U2SURP: variants seen among roughly 807,000 people sequenced by gnomAD.
The protein encoded by U2SURP is U2 snRNP associated SURP domain containing.
Under a neutral mutation model 144.9 loss-of-function variants are expected in U2SURP, and 9 were observed. The ratio of observed to expected loss-of-function variants is 0.06; its 90% CI spans 0.04 to 0.11. The LOEUF (loss-of-function observed/expected upper bound fraction) is 0.11. Ranked by LOEUF, U2SURP falls within the 10% of genes least tolerant of loss-of-function variation. U2SURP has a pLI of 1.00. For missense variants in U2SURP, 724 were observed against 1,226.7 expected (o/e 0.59, Z 6.12); for synonymous variants, 408 against 396.8 (o/e 1.03, Z -0.33).
intron 25 of U2SURP, among the ~76,000 whole-genome samples, chr3:143,052,645 G>A (rs1430331792): frequency 6.6e-6 from 1 of 152,220 alleles, no homozygotes; most frequent in Non-Finnish European, 1.5e-5. Context: ...TGGCAGAGTT[G>A]AGTAGTTGTG....
At chr3:143,005,970 A>C (rs1935808933) in intron 1 of U2SURP, among the ~76,000 whole-genome samples, 1 of 152,234 alleles carries the variant, frequency 6.6e-6, no homozygotes. Flanking sequence ...ATTTTATTGC[A>C]CATCAGCTGT....
At position 143,059,829 on chromosome 3, in the gene U2SURP, CTG is replaced by C. The variant is rs972236798; in HGVS notation, c.*3381_*3382del. The C allele has an allele frequency of 6.6e-6, 1 of 152,252 alleles. No individual in the cohort carries two copies. Among genetic ancestry groups the C allele is most frequent in the Admixed American group, 6.6e-5 (1 of 15,246 alleles). 9.4% of individuals were successfully genotyped at this position (152,252 alleles called of 1,614,324 possible). A position where few individuals can be genotyped will look rare whatever the true frequency, so the allele number is the denominator to read the frequency against. On this transcript the variant is annotated 3_prime_UTR_variant, in exon 28 of 28. Coordinates refer to ENST00000473835, the MANE Select transcript of U2SURP (RefSeq NM_001080415.2). ...AGTATAAGTTTAAAGGAACACGTGA[CTG>C]TAAAATCTCACATTTACAAAGTGCT... is the stretch of plus-strand genomic sequence containing the variant.
At chr3:143,036,208 A>C (rs1241071944) in intron 20 of U2SURP, 104 bp downstream of exon 20, 13 of 1,267,544 alleles carry the variant, frequency 1.0e-5, no homozygotes, top group Non-Finnish European at 1.3e-5. Flanking sequence ...TTCTTTGTGA[A>C]AAATATCTAT....
At chr3:143,006,494 G>A (rs1271146605) in intron 1 of U2SURP, among the ~76,000 whole-genome samples, 3 of 152,158 alleles carry the variant, frequency 2.0e-5, no homozygotes, top group Admixed American at 6.5e-5. Flanking sequence ...AGTGCCTCCC[G>A]CCTGTAATCC....
intron 1 of U2SURP, among the ~76,000 whole-genome samples, chr3:143,003,703 TGAAA>T (rs1935665888): frequency 2.6e-5 from 3 of 115,834 alleles, no homozygotes; most frequent in Non-Finnish European, 5.1e-5. Context: ...TTTTTTTTTG[TGAAA>T]GAGTTTCGCT....
At chr3:143,003,668 AT>A (rs1935654630) in intron 1 of U2SURP, among the ~76,000 whole-genome samples, 1 of 98,442 alleles carries the variant, frequency 1.0e-5, no homozygotes, top group Non-Finnish European at 2.2e-5. Context: ...CTTTTTATTT[AT>A]TTTATTTCTT....
chr3:143,047,085 C>T (rs867663614), intron 24 of U2SURP, among the ~76,000 whole-genome samples: 2,047 of 115,064 alleles, frequency 0.018, 163 homozygotes, highest in African/African-American at 0.08. Flanking sequence ...GGCGGCTGGC[C>T]GGGCAGAGGG....
chr3:143,004,813 G>A (rs1029670145), intron 1 of U2SURP, among the ~76,000 whole-genome samples: 1 of 151,996 alleles, frequency 6.6e-6, no homozygotes, highest in Non-Finnish European at 1.5e-5. Flanking sequence ...CTAGAAATGA[G>A]CTAAAATTTT....
chr3:143,001,946 A>G (rs1441125963), intron 1 of U2SURP, among the ~76,000 whole-genome samples: 1 of 152,244 alleles, frequency 6.6e-6, no homozygotes, highest in Admixed American at 6.5e-5. Flanking sequence ...TCAGGAATTC[A>G]GATTGAGGTC....
chr3:143,014,317 C>A lies in U2SURP; in HGVS notation c.229C>A (p.Leu77Met). The change falls in exon 4 of 28, where the codon CTG becomes ATG. Residue 77 changes from leucine (L) to methionine (M), a missense_variant. Physicochemically the swap from Leu to Met is conservative, Grantham distance 15. This residue lies in a region of U2SURP where 127 missense variants were observed against 98.2 expected (regional missense o/e 1.29). Transcript: ENST00000473835. Reference protein sequence around the residue: ...SPHQNLSRPLLENKLKAFSIG... With the variant: ...SPHQNLSRPLMENKLKAFSIG... ...TATGCTTTTTATTTCTTAGCCTCTT[C>A]TGGAAAACAAACTTAAAGCATTCAG... 6.3e-7 allele frequency: 1 copy of A among 1,596,332 alleles called. No individual in the cohort carries two copies. The highest frequency in any genetic ancestry group is 8.5e-7 in the Non-Finnish European group (1 of 1,171,448).
rs1255933305 is a variant in U2SURP, at chr3:143,028,397, T to C, written c.1437T>C (p.Ser479=). ...AHVYYRWKLY[S]ILQGDSPTKW... is the part of the protein sequence containing the mutation. The stretch of plus-strand genomic sequence containing the variant: ...TTTACTATAGGTGGAAGCTTTATTC[T>C]ATTCTGCAGGCAAGTAGAATCAATT... Residue 479 remains serine, a synonymous_variant, in exon 15 of 28, where the codon TCT becomes TCC. Transcript: ENST00000473835. 2 of 1,612,996 alleles carry C rather than the reference T, an allele frequency of 1.2e-6. No homozygotes were observed. The highest frequency in any genetic ancestry group is 1.7e-6 in the Non-Finnish European group (2 of 1,179,520).
At chr3:143,031,185 A>C (rs188106562) in intron 16 of U2SURP, among the ~76,000 whole-genome samples, 1 of 152,328 alleles carries the variant, frequency 6.6e-6, no homozygotes, top group East Asian at 1.9e-4. Context: ...TCTGATGAAG[A>C]AGCTGTGAAC....
At position 143,028,306 on chromosome 3, in the gene U2SURP, A is replaced by T. The variant is rs991004586; in HGVS notation, c.1380-34A>T. On this transcript the variant is annotated intron_variant, in intron 14 of 27. Coordinates refer to ENST00000473835, the MANE Select transcript of U2SURP (RefSeq NM_001080415.2). ...AATTGAAGATAGCTCTTTGTTAAAG[A>T]ATATGATGTTTAATGTTTGTTTGTT... 3 of 1,578,194 alleles carry T rather than the reference A, an allele frequency of 1.9e-6. No individual in the cohort carries two copies. The African/African-American group carries it at 4.1e-5, about 21-fold the overall frequency.
chr3:143,027,094 G>A, intron 13 of U2SURP, 55 bp from the exon 14 acceptor site: 1 of 1,340,756 alleles, frequency 7.5e-7, no homozygotes. Flanking sequence ...GTCAAGTGTA[G>A]TTTTATATAG....
intron 1 of U2SURP, among the ~76,000 whole-genome samples, chr3:143,005,925 A>G (rs528630788): frequency 1.3e-5 from 2 of 152,172 alleles, no homozygotes; most frequent in South Asian, 4.1e-4. Context: ...AATATTACAA[A>G]CTATTTGCCT....
intron 24 of U2SURP, among the ~76,000 whole-genome samples, chr3:143,047,839 C>T (rs1359120434): frequency 1.9e-5 from 2 of 105,560 alleles, no homozygotes; most frequent in Admixed American, 2.0e-4. Context: ...GGCAGAGGAG[C>T]CCCTCACCTC....
intron 1 of U2SURP, among the ~76,000 whole-genome samples, chr3:143,003,677 CT>C (rs60505715): frequency 0.013 from 1,320 of 101,362 alleles, 4 homozygotes; most frequent in African/African-American, 0.042. Flanking sequence ...TATTTTATTT[CT>C]TTTTTTTTTT....
chr3:143,016,498 C>T, intron 5 of U2SURP, 127 bp downstream of exon 5: 1 of 808,842 alleles, frequency 1.2e-6, no homozygotes, highest in Non-Finnish European at 2.0e-6. Context: ...TTGAATTTTA[C>T]ATTTTCTATC....
Position 143,053,766 on chromosome 3 carries a change from G to A in U2SURP, c.2746G>A (p.Asp916Asn). 1.2e-6 allele frequency: 2 copies of A among 1,606,768 alleles called. No individual in the cohort carries two copies. The highest frequency in any genetic ancestry group is 1.1e-5 in the South Asian group (1 of 89,604). Residue 916 changes from aspartate to asparagine, a missense_variant, in exon 26 of 28, where the codon GAT becomes AAT. Asp to Asn is a conservative substitution (Grantham distance 23). Around this residue, in one of 13 missense-constraint regions of U2SURP, gnomAD observed 129 missense variants for 196.1 expected, o/e 0.66. Transcript: ENST00000473835. Reference sequence around the variant, plus strand: ...TCGCTCCAAAGACAAGAAGGAAAAAGATGAGTGTACTCCGACAAGGAAGGA... The same window carrying A: ...TCGCTCCAAAGACAAGAAGGAAAAAAATGAGTGTACTCCGACAAGGAAGGA... Reference protein sequence around the residue: ...ESRSKDKKEKDECTPTRKERK... With the variant: ...ESRSKDKKEKNECTPTRKERK...
Sources: gnomAD v4.1 joint callset for allele counts (sites outside exome capture counted in the v4.1 genomes callset) on GRCh38, gnomAD v4.1.1 for gene constraint, gnomAD v4.1.1 regional missense constraint, MANE v1.5 for transcripts, NCBI Gene and HGNC (gene_info 2026-07-23, HGNC 2026-07-21) for gene names.